The following SMC1A variants were observed in gnomAD, a reference collection of about 807,000 sequenced individuals.
SMC1A encodes the protein structural maintenance of chromosomes protein 1A.
SMC1A carries 4 observed loss-of-function variants against 94.5 expected under a neutral mutation model. That is an observed-to-expected ratio of 0.04 (90% CI 0.02 to 0.10). SMC1A has a LOEUF of 0.10. Ranked by LOEUF, SMC1A falls within the 10% of genes least tolerant of loss-of-function variation. The probability of loss-of-function intolerance (pLI) is 1.00; values close to 1 mark genes in which losing one functional copy is unlikely to be tolerated. For missense variants in SMC1A, 304 were observed against 989.0 expected (o/e 0.31, Z 9.29); for synonymous variants, 345 against 347.7 (o/e 0.99, Z 0.09).
intron 19 of SMC1A, among the ~76,000 whole-genome samples, chrX:53,391,971 G>C (rs2075631219): frequency 9.1e-6 from 1 of 110,240 alleles, no homozygotes; most frequent in Non-Finnish European, 1.9e-5. Context: ...CGTGACAAGA[G>C]TATCTCCAGC....
chrX:53,394,788 TCA>T lies in SMC1A; in HGVS notation c.2961_2962del (p.Cys987Ter). The T allele has an allele frequency of 1.1e-6, 1 of 920,941 alleles. No individual in the cohort carries two copies. 75.9% of individuals were successfully genotyped at this position (920,941 alleles called of 1,213,427 possible). A position where few individuals can be genotyped will look rare whatever the true frequency, so the allele number is the denominator to read the frequency against. On this transcript the variant is annotated stop_gained and frameshift_variant, in exon 19 of 25. Transcript: ENST00000322213. LOFTEE classifies it high-confidence loss of function. The stretch of plus-strand genomic sequence containing the variant: ...GTGGTTGATCCTCACCTTCAGATCC[TCA>T]CACAGATCACCGTAGTCAATCTCAA...
chrX:53,399,490 G>T, intron 16 of SMC1A, 99 bp downstream of exon 16: 1 of 857,729 alleles, frequency 1.2e-6, no homozygotes, highest in Non-Finnish European at 1.7e-6. Context: ...ATTTAGATGA[G>T]AAATTTCTAA....
At position 53,405,937 on chromosome X, in the gene SMC1A, A is replaced by T; in HGVS notation, c.1565T>A (p.Leu522Gln). Residue 522 changes from leucine to glutamine, a missense_variant, in exon 10 of 25, where the codon CTA (leucine) becomes CAA (glutamine). Leu to Gln is a moderately radical substitution (Grantham distance 113, BLOSUM62 -2). Coordinates refer to ENST00000322213, the MANE Select transcript of SMC1A (RefSeq NM_006306.4). ...ATACTTCTTTTGTGTGGGCTGGCAT[A>T]GGTCAATGAGGCGGCCGTACTGAGT... The part of the protein sequence containing the change: ...PGSVYGRLID[L>Q]CQPTQKKYQI... 1 of 1,211,733 alleles carries T rather than the reference A, an allele frequency of 8.3e-7. No individual in the cohort carries two copies. Among genetic ancestry groups the T allele is most frequent in the Non-Finnish European group, 1.1e-6 (1 of 895,371 alleles).
intron 19 of SMC1A, among the ~76,000 whole-genome samples, chrX:53,390,973 C>CAAAAAAAAAAAAAAAAAAAAAA (rs782771730): frequency 9.9e-4 from 34 of 34,313 alleles, no homozygotes; most frequent in East Asian, 2.6e-3. Flanking sequence ...GACTCCGTCT[C>CAAAAAAAAAAAAAAAAAAAAAA]AAAAAAAAAA....
intron 3 of SMC1A, among the ~76,000 whole-genome samples, chrX:53,414,342 G>A (rs977769301): frequency 4.5e-5 from 5 of 110,940 alleles, no homozygotes; most frequent in Admixed American, 9.7e-5. Context: ...CTCAAATTTC[G>A]GCCGACATCA....
At chrX:53,403,482 C>T in intron 15 of SMC1A, 84 bp downstream of exon 15, 4 of 735,683 alleles carry the variant, frequency 5.4e-6, no homozygotes, top group Middle Eastern at 5.8e-4. Context: ...CTGACCCTTG[C>T]CTATGACAGC....
chrX:53,404,922 G>T, intron 13 of SMC1A, 90 bp downstream of exon 13: 1 of 1,037,666 alleles, frequency 9.6e-7, no homozygotes, highest in Non-Finnish European at 1.3e-6. Flanking sequence ...AGGAGACGGG[G>T]AAGTGAAACA....
At chrX:53,416,162 G>A (rs2075731052) in intron 1 of SMC1A, among the ~76,000 whole-genome samples, 1 of 106,438 alleles carries the variant, frequency 9.4e-6, no homozygotes, top group South Asian at 4.3e-4. Flanking sequence ...ACTTAGCTGG[G>A]CGTGGTGGCG....
intron 1 of SMC1A, among the ~76,000 whole-genome samples, chrX:53,421,713 C>T (rs1556892075): frequency 8.9e-6 from 1 of 112,477 alleles, no homozygotes; most frequent in Non-Finnish European, 1.9e-5. Flanking sequence ...TATCTTCTTT[C>T]CCCTCTGGAA....
At chrX:53,422,068 C>G (rs1476236988) in intron 1 of SMC1A, 1 of 1,191,596 alleles carries the variant, frequency 8.4e-7, no homozygotes, top group Admixed American at 2.2e-5. Context: ...CGTTTGGGAC[C>G]GAAGGCCACG....
chrX:53,418,403 G>A (rs1321615216), intron 1 of SMC1A, among the ~76,000 whole-genome samples: 1 of 111,705 alleles, frequency 9.0e-6, no homozygotes, highest in Non-Finnish European at 1.9e-5. Context: ...CTAAAGTGCT[G>A]GGATTACAGG....
intron 1 of SMC1A, chrX:53,422,104 C>T: frequency 8.9e-7 from 1 of 1,120,800 alleles, no homozygotes; most frequent in Non-Finnish European, 1.2e-6. Flanking sequence ...TCCCCACATT[C>T]TCCGGAGGGG....
intron 15 of SMC1A, among the ~76,000 whole-genome samples, chrX:53,401,691 G>GAT (rs1556888917): frequency 1.8e-5 from 2 of 110,098 alleles, no homozygotes; most frequent in East Asian, 5.7e-4. Flanking sequence ...CTCTCTCAGG[G>GAT]ATATATACCC....
In SMC1A at chrX:53,412,974, C is replaced by T. The variant is rs1360203961; in HGVS notation, c.780G>A (p.Glu260=). The change falls in exon 5 of 25, where the codon GAG becomes GAA. Residue 260 remains glutamate, a synonymous_variant. Coordinates refer to ENST00000322213, the MANE Select transcript of SMC1A (RefSeq NM_006306.4). ...CCTTCTTCTTCTCCTTCAGTTCATC[C>T]TCCACCTTGTCCATACGCTTCTTGT... ...EKDKKRMDKV[E]DELKEKKKEL... 3.3e-6 allele frequency: 4 copies of T among 1,195,352 alleles called. No homozygotes were observed. The highest frequency in any genetic ancestry group is 4.5e-6 in the Non-Finnish European group (4 of 882,369).
chrX:53,385,229 A>G (rs1003567061), intron 19 of SMC1A, among the ~76,000 whole-genome samples: 6 of 105,499 alleles, frequency 5.7e-5, no homozygotes, highest in Non-Finnish European at 9.7e-5. Flanking sequence ...ATCTCTATAC[A>G]CTACTTTGGA....
intron 7 of SMC1A, among the ~76,000 whole-genome samples, chrX:53,410,357 G>A (rs1307929936): frequency 9.1e-6 from 1 of 109,975 alleles, no homozygotes; most frequent in African/African-American, 3.3e-5. Context: ...TTAGGAGGCC[G>A]AGGCGGGCGG....
Position 53,412,977 on chromosome X carries a change from C to T in SMC1A, c.777G>A (p.Val259=). Residue 259 remains valine (V), a synonymous_variant, in exon 5 of 25, where the codon GTG becomes GTA. Coordinates refer to ENST00000322213, the MANE Select transcript of SMC1A (RefSeq NM_006306.4). ...TCTTCTTCTCCTTCAGTTCATCCTC[C>T]ACCTTGTCCATACGCTTCTTGTCCT... The part of the protein sequence containing the change: ...IEKDKKRMDK[V]EDELKEKKKE... 8.4e-7 allele frequency: 1 copy of T among 1,196,498 alleles called. No homozygotes were observed. Among genetic ancestry groups the T allele is most frequent in the Non-Finnish European group, 1.1e-6 (1 of 882,013 alleles).
chrX:53,402,944 G>A (rs1475646531), intron 15 of SMC1A, among the ~76,000 whole-genome samples: 20 of 99,217 alleles, frequency 2.0e-4, no homozygotes, highest in Non-Finnish European at 3.4e-4. Context: ...GAGGCAGGAG[G>A]ATCACTTGAG....
intron 19 of SMC1A, among the ~76,000 whole-genome samples, chrX:53,393,147 T>C (rs1224086017): frequency 3.6e-5 from 4 of 111,224 alleles, no homozygotes; most frequent in Non-Finnish European, 7.5e-5. Flanking sequence ...GATATATTCT[T>C]GCCAAAAAAA....
Sources: gnomAD v4.1 joint callset for allele counts (sites outside exome capture counted in the v4.1 genomes callset) on GRCh38, gnomAD v4.1.1 for gene constraint, MANE v1.5 for transcripts, NCBI Gene and HGNC (gene_info 2026-07-23, HGNC 2026-07-21) for gene names.